The following TEX9 variants were observed in gnomAD, a reference collection of about 807,000 sequenced individuals.
The protein encoded by TEX9 is testis-expressed protein 9.
Under a neutral mutation model 59.6 loss-of-function variants are expected in TEX9, and 74 were observed. That is an observed-to-expected ratio of 1.24 (90% CI 1.03 to 1.51). The LOEUF (loss-of-function observed/expected upper bound fraction) is 1.51, where lower values mean the gene tolerates loss of function less well. Among genes scored for constraint, TEX9 ranks in the 40% most tolerant of loss-of-function variants. TEX9 has a pLI of 0.00. For synonymous variants in TEX9, 186 were observed against 152.2 expected (o/e 1.22, Z -1.64); for missense variants, 522 against 447.8 (o/e 1.17, Z -1.49).
intron 10 of TEX9, among the ~76,000 whole-genome samples, chr15:56,419,581 T>C (rs2049866728): frequency 6.6e-6 from 1 of 151,870 alleles, no homozygotes; most frequent in Non-Finnish European, 1.5e-5. Context: ...CTGGGATATA[T>C]TGCACTTGGT....
chr15:56,356,915 C>A (rs2046695299), intron 1 of TEX9, among the ~76,000 whole-genome samples: 1 of 152,006 alleles, frequency 6.6e-6, no homozygotes, highest in South Asian at 2.1e-4. Flanking sequence ...TGGATCCTGT[C>A]TCACTGGCTA....
At chr15:56,391,369 T>C in exon 7 of TEX9, 2 of 1,583,976 alleles carry the variant, frequency 1.3e-6, no homozygotes, top group Non-Finnish European at 1.7e-6. Flanking sequence ...AAGGCTTACC[T>C]GAATATATAG....
At chr15:56,406,495 G>A (rs1352222616) in intron 9 of TEX9, among the ~76,000 whole-genome samples, 1 of 152,126 alleles carries the variant, frequency 6.6e-6, no homozygotes. Flanking sequence ...TATGGAAAGT[G>A]TATGCTTAAC....
downstream of TEX9, chr15:56,446,929 T>C: frequency 1.2e-6 from 2 of 1,608,010 alleles, no homozygotes; most frequent in Non-Finnish European, 1.7e-6. Context: ...CTTCTCCAAT[T>C]CTCTAAGCTC....
At chr15:56,279,925 T>C (rs2044774991) in intron 1 of TEX9, among the ~76,000 whole-genome samples, 1 of 152,202 alleles carries the variant, frequency 6.6e-6, no homozygotes, top group Non-Finnish European at 1.5e-5. Flanking sequence ...TTGAAAGAAA[T>C]ATGCATTCAG....
intron 1 of TEX9, among the ~76,000 whole-genome samples, chr15:56,292,798 G>A (rs976874088): frequency 3.3e-5 from 5 of 152,078 alleles, no homozygotes; most frequent in Non-Finnish European, 7.4e-5. Flanking sequence ...CTGATATGGC[G>A]GTACTAAGCC....
chr15:56,335,125 A>G (rs2046234364), intron 1 of TEX9, among the ~76,000 whole-genome samples: 2 of 152,188 alleles, frequency 1.3e-5, no homozygotes, highest in Admixed American at 6.5e-5. Flanking sequence ...GAGACACTAT[A>G]TGATCCAGCA....
upstream of TEX9, among the ~76,000 whole-genome samples, chr15:56,360,607 A>G (rs1177209068): frequency 6.6e-6 from 1 of 152,112 alleles, no homozygotes; most frequent in Non-Finnish European, 1.5e-5. Context: ...TTTTCTGTAT[A>G]TTATGATGTT....
intron 12 of TEX9, chr15:56,444,520 CCTG>C (rs758218492): frequency 7.6e-5 from 123 of 1,612,250 alleles, no homozygotes; most frequent in African/African-American, 2.7e-5. Context: ...TCATAAGCTT[CCTG>C]CTTTTTTTTT....
intron 4 of TEX9, among the ~76,000 whole-genome samples, chr15:56,385,764 C>T (rs192972027): frequency 3.2e-4 from 48 of 152,118 alleles, no homozygotes; most frequent in Admixed American, 1.2e-3. Flanking sequence ...ATGGGTACCC[C>T]GCCTTCCAGT....
intron 1 of TEX9, among the ~76,000 whole-genome samples, chr15:56,294,140 G>C (rs1404106713): frequency 6.6e-6 from 1 of 152,184 alleles, no homozygotes; most frequent in Non-Finnish European, 1.5e-5. Flanking sequence ...GTAAAGTGCA[G>C]TCCACTAGTG....
chr15:56,334,680 C>T (rs1473486562), intron 1 of TEX9, among the ~76,000 whole-genome samples: 2 of 152,052 alleles, frequency 1.3e-5, no homozygotes, highest in South Asian at 2.1e-4. Flanking sequence ...AAAGCTCCTA[C>T]ACAACAAAGG....
chr15:56,409,853 C>T (rs2049265222), intron 9 of TEX9: 1 of 152,182 alleles, frequency 6.6e-6, no homozygotes, highest in African/African-American at 2.4e-5. Context: ...CTTCCCTGAC[C>T]ACTTTATTTT....
At chr15:56,412,461 G>A in intron 10 of TEX9, 25 bp downstream of exon 10, 1 of 1,585,010 alleles carries the variant, frequency 6.3e-7, no homozygotes. Flanking sequence ...AATAGCTTTT[G>A]TAGTGATCCC....
At chr15:56,339,382 C>CAAAAAAAAA (rs1567091301) in intron 1 of TEX9, among the ~76,000 whole-genome samples, 2 of 2,830 alleles carry the variant, frequency 7.1e-4, no homozygotes, top group Admixed American at 7.7e-3. Context: ...GACTCCTTCT[C>CAAAAAAAAA]CAAAAAAAAA....
chr15:56,428,685 T>G (rs1378648213), intron 12 of TEX9: 4 of 400,692 alleles, frequency 1.0e-5, no homozygotes, highest in South Asian at 6.5e-5. Flanking sequence ...CTCTTTTCAT[T>G]TATAATTCTC....
chr15:56,375,928 G>C (rs2047425416), intron 3 of TEX9, among the ~76,000 whole-genome samples: 1 of 151,492 alleles, frequency 6.6e-6, no homozygotes, highest in Admixed American at 6.6e-5. Context: ...GTAGGGACAT[G>C]GATGAAATTG....
chr15:56,301,435 G>T (rs1423147194), intron 1 of TEX9, among the ~76,000 whole-genome samples: 1 of 151,936 alleles, frequency 6.6e-6, no homozygotes, highest in Admixed American at 6.6e-5. Flanking sequence ...TCAAGTATAA[G>T]AAGGTTATAC....
At chr15:56,247,264 C>G (rs1464235199) in intron 1 of TEX9, among the ~76,000 whole-genome samples, 1 of 152,082 alleles carries the variant, frequency 6.6e-6, no homozygotes, top group Non-Finnish European at 1.5e-5. Context: ...ATAAATAAGA[C>G]CTGGCCCCAA....
Sources: allele counts gnomAD v4.1 joint callset (sites outside exome capture counted in the v4.1 genomes callset), GRCh38; gene constraint gnomAD v4.1.1; transcripts MANE v1.5; gene names NCBI Gene and HGNC (gene_info 2026-07-23, HGNC 2026-07-21).